HPGDS: variants seen among roughly 807,000 people sequenced by gnomAD.
The protein encoded by HPGDS is hematopoietic prostaglandin D synthase.
A neutral mutation model predicts 23.1 loss-of-function variants in HPGDS; 26 were observed. The ratio of observed to expected loss-of-function variants is 1.13; its 90% confidence interval spans 0.83 to 1.56. The LOEUF is 1.56. HPGDS is among the 40% of genes most tolerant of loss of function. HPGDS has a pLI of 0.00. For synonymous variants in HPGDS, 95 were observed against 77.9 expected, an observed-to-expected ratio of 1.22 and a Z score of -1.16; for missense variants, 268 against 236.4, an observed-to-expected ratio of 1.13 and a Z score of -0.88.
intron 2 of HPGDS, among the ~76,000 whole-genome samples, chr4:94,331,937 CAT>C (rs1309218805): frequency 6.6e-6 from 1 of 152,152 alleles, no homozygotes; most frequent in Non-Finnish European, 1.5e-5. Context: ...TGCGGCCCAA[CAT>C]AAGAAAATCT....
chr4:94,341,950 G>A (rs1400838779), intron 1 of HPGDS, among the ~76,000 whole-genome samples: 1 of 152,128 alleles, frequency 6.6e-6, no homozygotes. Context: ...ACATTTGATG[G>A]TAAAGAATGT....
chr4:94,327,587 A>G (rs779146969), intron 2 of HPGDS, among the ~76,000 whole-genome samples: 3 of 152,208 alleles, frequency 2.0e-5, no homozygotes, highest in Non-Finnish European at 4.4e-5. Flanking sequence ...ATAAAGGTGC[A>G]TGAAGGTACA....
At chr4:94,307,076 T>A (rs1489478410) in intron 4 of HPGDS, among the ~76,000 whole-genome samples, 1 of 152,050 alleles carries the variant, frequency 6.6e-6, no homozygotes, top group Non-Finnish European at 1.5e-5. Flanking sequence ...GGTCAGTAAT[T>A]ACATTGAATT....
In HPGDS at chr4:94,339,875, A is replaced by G. The variant is rs183799411; in HGVS notation, c.-10+2920T>C. Among the ~76,000 whole-genome samples the G allele has an allele frequency of 3.6e-3, 545 of 152,174 alleles. 3 individuals carry two copies. The highest frequency in any genetic ancestry group is 0.014 in the South Asian group (68 of 4,812). ...TTCATGGTAGTAAATAAGTCTCACG[A>G]GATCTGATCATTTTATAAGGGATTT... On this transcript the variant is annotated intron_variant, in intron 1 of 5. Coordinates refer to ENST00000295256, the MANE Select transcript of HPGDS (RefSeq NM_014485.3).
intron 4 of HPGDS, among the ~76,000 whole-genome samples, chr4:94,307,531 G>A (rs1756161315): frequency 1.3e-5 from 2 of 152,054 alleles, no homozygotes. Context: ...AAGAAAGAAG[G>A]CAGCATCCAG....
intron 1 of HPGDS, among the ~76,000 whole-genome samples, chr4:94,340,556 G>T (rs1287471476): frequency 6.9e-6 from 1 of 145,438 alleles, no homozygotes; most frequent in African/African-American, 2.5e-5. Flanking sequence ...AGCCGGGGTG[G>T]TCTCGATCTC....
intron 1 of HPGDS, among the ~76,000 whole-genome samples, chr4:94,338,087 A>G (rs932659099): frequency 5.3e-5 from 8 of 152,158 alleles, no homozygotes; most frequent in African/African-American, 1.9e-4. Flanking sequence ...GGAATACCAG[A>G]TGTTATATCA....
Position 94,299,399 on chromosome 4 carries a change from A to T in HPGDS, c.*81T>A. On this transcript the variant is annotated 3_prime_UTR_variant, in exon 6 of 6. Transcript: ENST00000295256. ...GAGCTGGGGAGGGAGCATGTGGATTATCTGGCAGGCTGATGTAGCTGTCTT... is the reference window on the plus strand; with the variant it reads ...GAGCTGGGGAGGGAGCATGTGGATTTTCTGGCAGGCTGATGTAGCTGTCTT... 8.0e-7 allele frequency: 1 copy of T among 1,248,896 alleles called. No homozygotes were observed. Among genetic ancestry groups the T allele is most frequent in the Non-Finnish European group, 1.1e-6 (1 of 915,146 alleles). 77.4% of individuals were successfully genotyped at this position (1,248,896 alleles called of 1,614,324 possible).
chr4:94,323,850 T>C (rs576160872), intron 2 of HPGDS, among the ~76,000 whole-genome samples: 1 of 152,346 alleles, frequency 6.6e-6, no homozygotes, highest in Non-Finnish European at 1.5e-5. Context: ...AGTTTCTTCC[T>C]TGCATTGATG....
At chr4:94,317,762 C>A (rs191491304) in intron 3 of HPGDS, 111 bp downstream of exon 3, 3 of 594,352 alleles carry the variant, frequency 5.0e-6, no homozygotes, top group East Asian at 6.1e-5. Flanking sequence ...TATTTAATTC[C>A]ATTCTTATTT....
At chr4:94,301,316 G>A (rs566691659) in intron 5 of HPGDS, among the ~76,000 whole-genome samples, 3 of 152,312 alleles carry the variant, frequency 2.0e-5, no homozygotes, top group African/African-American at 7.2e-5. Flanking sequence ...CTAGGTGGTA[G>A]TGTGCCTAGT....
chr4:94,310,489 C>T (rs116645919), intron 3 of HPGDS, among the ~76,000 whole-genome samples: 3,766 of 151,746 alleles, frequency 0.025, 103 homozygotes, highest in African/African-American at 0.075. Context: ...CACTGGTCTG[C>T]CTATATCTCT....
At chr4:94,324,322 G>T (rs751195183) in intron 2 of HPGDS, among the ~76,000 whole-genome samples, 1 of 152,058 alleles carries the variant, frequency 6.6e-6, no homozygotes, top group East Asian at 1.9e-4. Context: ...GCTAGGTTGG[G>T]GAAGTTCTCC....
chr4:94,316,799 C>T (rs1004092447), intron 3 of HPGDS, among the ~76,000 whole-genome samples: 1 of 152,226 alleles, frequency 6.6e-6, no homozygotes, highest in African/African-American at 2.4e-5. Flanking sequence ...TCTACTGACT[C>T]AAAGTTGCAC....
chr4:94,313,114 A>G (rs915103199), intron 3 of HPGDS, among the ~76,000 whole-genome samples: 1 of 152,146 alleles, frequency 6.6e-6, no homozygotes, highest in Non-Finnish European at 1.5e-5. Flanking sequence ...GTGTCTTTTA[A>G]TTGGAGCATT....
chr4:94,302,319 C>G, intron 4 of HPGDS, 75 bp from the exon 5 acceptor site: 1 of 998,396 alleles, frequency 1.0e-6, no homozygotes, highest in Non-Finnish European at 1.5e-6. Flanking sequence ...AAGTAGATTT[C>G]TCCATCTTTA....
chr4:94,311,036 G>A (rs1756257292), intron 3 of HPGDS, among the ~76,000 whole-genome samples: 1 of 152,098 alleles, frequency 6.6e-6, no homozygotes, highest in African/African-American at 2.4e-5. Context: ...GAGATTTTTG[G>A]CTGAGATGAT....
chr4:94,317,302 G>T (rs746870803), intron 3 of HPGDS, among the ~76,000 whole-genome samples: 4 of 152,164 alleles, frequency 2.6e-5, no homozygotes, highest in Non-Finnish European at 4.4e-5. Context: ...GAGAAAGTGT[G>T]TCAGGTAAAA....
chr4:94,328,139 T>TC (rs1327907065), intron 2 of HPGDS, among the ~76,000 whole-genome samples: 1 of 152,218 alleles, frequency 6.6e-6, no homozygotes, highest in Non-Finnish European at 1.5e-5. Context: ...TCTTACCTTT[T>TC]CCCCACAATG....
Sources: allele counts gnomAD v4.1 joint callset (sites outside exome capture counted in the v4.1 genomes callset), GRCh38; gene constraint gnomAD v4.1.1; transcripts MANE v1.5; gene names NCBI Gene and HGNC (gene_info 2026-07-23, HGNC 2026-07-21).